Variants in ZPBP observed in about 807,000 individuals in gnomAD.
ZPBP encodes the protein zona pellucida-binding protein 1.
ZPBP carries 26 observed loss-of-function variants against 44.8 expected under a neutral mutation model. The ratio of observed to expected loss-of-function variants is 0.58; its 90% CI spans 0.43 to 0.81. ZPBP has a LOEUF of 0.81. Among genes scored for constraint, ZPBP ranks in the 30% least tolerant of loss-of-function variants. The pLI, the probability that ZPBP is intolerant of heterozygous loss-of-function variation, is 0.00. For synonymous variants in ZPBP, 174 were observed against 153.2 expected (o/e 1.14, Z -1.00); for missense variants, 409 against 434.0 (o/e 0.94, Z 0.51).
chr7:50,054,319 A>G (rs755396755), intron 4 of ZPBP, among the ~76,000 whole-genome samples: 2 of 152,224 alleles, frequency 1.3e-5, no homozygotes, highest in Non-Finnish European at 2.9e-5. Context: ...GAAGGTAGAA[A>G]TTACTTAAAG....
At chr7:49,915,399 G>A (rs1793660670) in intron 1 of ZPBP, 1 of 152,128 alleles carries the variant, frequency 6.6e-6, no homozygotes, top group African/African-American at 2.4e-5. Context: ...GCTTTGTGCA[G>A]TAAAACATGC....
chr7:49,970,304 G>C (rs936504806), intron 7 of ZPBP, among the ~76,000 whole-genome samples: 2 of 152,054 alleles, frequency 1.3e-5, no homozygotes, highest in Non-Finnish European at 2.9e-5. Flanking sequence ...CTGGGAGATA[G>C]AGAGTTCTAC....
intron 5 of ZPBP, among the ~76,000 whole-genome samples, chr7:50,024,917 T>C (rs1799255643): frequency 6.6e-6 from 1 of 152,000 alleles, no homozygotes; most frequent in Non-Finnish European, 1.5e-5. Context: ...CTTGCAATAG[T>C]TATTTTAATA....
intron 3 of ZPBP, among the ~76,000 whole-genome samples, chr7:50,067,419 G>T (rs1276798279): frequency 6.6e-6 from 1 of 151,884 alleles, no homozygotes; most frequent in Non-Finnish European, 1.5e-5. Flanking sequence ...GTAAATATTT[G>T]TCCTTTGGTC....
intron 6 of ZPBP, among the ~76,000 whole-genome samples, chr7:49,999,851 C>T (rs1798018643): frequency 6.6e-6 from 1 of 152,152 alleles, no homozygotes; most frequent in Non-Finnish European, 1.5e-5. Flanking sequence ...TAATGGTGTA[C>T]CAGCTACAAC....
At chr7:49,953,405 T>C (rs1165151726) in intron 7 of ZPBP, among the ~76,000 whole-genome samples, 1 of 152,092 alleles carries the variant, frequency 6.6e-6, no homozygotes, top group Non-Finnish European at 1.5e-5. Context: ...CTCAGGATAA[T>C]GAACAGTGTC....
downstream of ZPBP, chr7:49,850,410 G>GC (rs1790129686): frequency 6.6e-6 from 1 of 152,226 alleles, no homozygotes; most frequent in Admixed American, 6.5e-5. Flanking sequence ...AGTGTAAGAG[G>GC]CCTCCTGTCT....
At chr7:49,972,912 A>C (rs189805340) in intron 7 of ZPBP, among the ~76,000 whole-genome samples, 45 of 152,116 alleles carry the variant, frequency 3.0e-4, no homozygotes, top group Admixed American at 7.2e-4. Flanking sequence ...GGCCCAGAAA[A>C]AAAAAACCAC....
At chr7:50,057,180 C>T in intron 4 of ZPBP, among the ~76,000 whole-genome samples, 1 of 140,558 alleles carries the variant, frequency 7.1e-6, no homozygotes, top group Non-Finnish European at 1.6e-5. Context: ...GAGTGAGACT[C>T]CATCTCAAAA....
intron 3 of ZPBP, among the ~76,000 whole-genome samples, chr7:50,078,504 C>A (rs188144191): frequency 6.6e-6 from 1 of 151,176 alleles, no homozygotes. Flanking sequence ...ATCTTATCCA[C>A]CCCATACATA....
chr7:49,894,432 C>T (rs1449897566), intron 2 of ZPBP, among the ~76,000 whole-genome samples: 1 of 152,244 alleles, frequency 6.6e-6, no homozygotes, highest in Non-Finnish European at 1.5e-5. Context: ...TGCACCTGAT[C>T]CTTGTTCATC....
At chr7:49,881,349 G>A (rs1583745322) in intron 2 of ZPBP, among the ~76,000 whole-genome samples, 2 of 152,244 alleles carry the variant, frequency 1.3e-5, no homozygotes, top group African/African-American at 2.4e-5. Context: ...TGTGGAACTT[G>A]AGAAATTCAA....
At chr7:50,073,762 C>G (rs1584176343) in intron 3 of ZPBP, among the ~76,000 whole-genome samples, 1 of 152,086 alleles carries the variant, frequency 6.6e-6, no homozygotes, top group East Asian at 1.9e-4. Flanking sequence ...ATTTAAAGTG[C>G]TGAAGGAAAA....
intron 2 of ZPBP, among the ~76,000 whole-genome samples, chr7:50,087,982 T>C (rs1240672750): frequency 2.0e-5 from 3 of 151,992 alleles, no homozygotes; most frequent in Non-Finnish European, 2.9e-5. Context: ...CAAAGCAATC[T>C]TGAAAAGAAC....
rs528043190 is a variant in ZPBP, at chr7:50,057,619, C to T, written c.487+370G>A. On this transcript the variant is annotated intron_variant, in intron 4 of 7. Transcript: ENST00000046087. Reference sequence around the variant, plus strand: ...AAAAGGAATTTATAGTGGTGTTTCACGCTCCTGTTTTGGGGGATGGCAGTG... The same window carrying T: ...AAAAGGAATTTATAGTGGTGTTTCATGCTCCTGTTTTGGGGGATGGCAGTG... Among the ~76,000 whole-genome samples the T allele has an allele frequency of 2.6e-5, 4 of 152,234 alleles. No individual in the cohort carries two copies. In the South Asian group the frequency reaches 6.2e-4, roughly 24 times the overall value.
chr7:49,925,653 T>C (rs1794208530), intron 1 of ZPBP, among the ~76,000 whole-genome samples: 1 of 152,236 alleles, frequency 6.6e-6, no homozygotes, highest in Non-Finnish European at 1.5e-5. Context: ...TGAAAAGTCT[T>C]CACACTTTGC....
intron 2 of ZPBP, among the ~76,000 whole-genome samples, chr7:50,085,321 A>T (rs1460999060): frequency 6.6e-6 from 1 of 152,106 alleles, no homozygotes; most frequent in African/African-American, 2.4e-5. Context: ...ACTGTAAGAC[A>T]GTAATTTCTG....
intron 7 of ZPBP, 114 bp from the exon 8 acceptor site, chr7:49,937,736 G>T: frequency 1.2e-6 from 1 of 814,236 alleles, no homozygotes; most frequent in Non-Finnish European, 2.0e-6. Context: ...TATTCACACT[G>T]TTGTGCAACA....
intron 1 of ZPBP, 155 bp downstream of exon 1, chr7:50,092,913 C>G (rs1350789799): frequency 8.5e-7 from 1 of 1,181,490 alleles, no homozygotes; most frequent in Non-Finnish European, 1.1e-6. Flanking sequence ...TGACTTTGTA[C>G]GACTTCCATA....
Sources: allele counts gnomAD v4.1 joint callset (sites outside exome capture counted in the v4.1 genomes callset), GRCh38; gene constraint gnomAD v4.1.1; transcripts MANE v1.5; gene names NCBI Gene and HGNC (gene_info 2026-07-23, HGNC 2026-07-21).